The following PTGER4 variants were observed in gnomAD, a reference collection of about 807,000 sequenced individuals.
PTGER4 encodes prostaglandin E2 receptor EP4 subtype.
Under a neutral mutation model 33.2 loss-of-function variants are expected in PTGER4, and 11 were observed. The observed-to-expected ratio is 0.33, with a 90% CI of 0.21 to 0.55. PTGER4 has a LOEUF of 0.55. PTGER4 is among the 20% of genes least tolerant of loss of function. The pLI is 0.92. For missense variants in PTGER4, 481 were observed against 650.2 expected (o/e 0.74, Z 2.83); for synonymous variants, 275 against 281.5 (o/e 0.98, Z 0.23).
the PTGER4 span, among the ~76,000 whole-genome samples, chr5:40,723,968 A>G: frequency 2.6e-5 from 4 of 152,238 alleles, no homozygotes; most frequent in Non-Finnish European, 4.4e-5. Flanking sequence ...TGTAGCCATT[A>G]TGGAGTTTCT....
chr5:40,711,355 T>C, the PTGER4 span, among the ~76,000 whole-genome samples: 2 of 152,268 alleles, frequency 1.3e-5, no homozygotes, highest in South Asian at 4.1e-4. Flanking sequence ...TCCACTAAAG[T>C]GTCTAAAATT....
At chr5:40,712,088 G>A in the PTGER4 span, among the ~76,000 whole-genome samples, 1 of 152,092 alleles carries the variant, frequency 6.6e-6, no homozygotes, top group Non-Finnish European at 1.5e-5. Context: ...ATTTAAGAAA[G>A]TTAATAGAGG....
In PTGER4 at chr5:40,681,234, A is replaced by C. The variant is rs377709289; in HGVS notation, c.241A>C (p.Met81Leu). 4.3e-6 allele frequency: 7 copies of C among 1,614,020 alleles called. No individual in the cohort carries two copies. Among genetic ancestry groups the C allele is most frequent in the Non-Finnish European group, 5.1e-6 (6 of 1,180,038 alleles). The change falls in exon 2 of 3, where the codon ATG becomes CTG. Residue 81 changes from methionine to leucine, a missense_variant. Met to Leu is a conservative substitution (Grantham distance 15). Around this residue, in one of 7 missense-constraint regions of PTGER4, gnomAD observed 61 missense variants for 145.2 expected, o/e 0.42. Transcript: ENST00000302472. The surrounding 1 kb of genome is among the most constrained non-coding windows in gnomAD (Gnocchi z 9.8). Reference sequence around the variant, plus strand: ...GAGCCCGGTGACCATCGCCACGTACATGAAGGGCCAATGGCCCGGGGGCCA... The same window carrying C: ...GAGCCCGGTGACCATCGCCACGTACCTGAAGGGCCAATGGCCCGGGGGCCA... ...LVSPVTIATYMKGQWPGGQPL... is the reference protein window; with the variant it reads ...LVSPVTIATYLKGQWPGGQPL...
chr5:40,711,009 T>C, the PTGER4 span, among the ~76,000 whole-genome samples: 1 of 152,078 alleles, frequency 6.6e-6, no homozygotes, highest in African/African-American at 2.4e-5. Flanking sequence ...CACAGCAACA[T>C]GGTACATGTA....
In PTGER4 at chr5:40,693,660, G is replaced by C. The variant is rs1217656695; in HGVS notation, c.*1282G>C. 2.0e-6 allele frequency: 2 copies of C among 981,934 alleles called. No homozygotes were observed. The highest frequency in any genetic ancestry group is 3.5e-5 in the African/African-American group (2 of 57,128). The allele number at this position is 981,934 out of a possible 1,614,324, so 60.8% of individuals were successfully genotyped here. On this transcript the variant is annotated 3_prime_UTR_variant, in exon 3 of 3. Coordinates refer to ENST00000302472, the MANE Select transcript of PTGER4 (RefSeq NM_000958.3). ...TTGGTTGTAATTAAATTCTGAGCCT[G>C]ATATTGATATGGTTTTAAGAAGCAG...
At chr5:40,731,380 A>G in the PTGER4 span, among the ~76,000 whole-genome samples, 1 of 142,940 alleles carries the variant, frequency 7.0e-6, no homozygotes, top group African/African-American at 2.6e-5. Flanking sequence ...ACACACACAC[A>G]TCTGTATTAG....
chr5:40,738,993 G>A, the PTGER4 span, among the ~76,000 whole-genome samples: 2 of 152,106 alleles, frequency 1.3e-5, no homozygotes, highest in African/African-American at 4.8e-5. Context: ...CCCAGCCTGT[G>A]GCCTGACTTT....
chr5:40,704,263 G>A, the PTGER4 span, among the ~76,000 whole-genome samples: 3 of 152,096 alleles, frequency 2.0e-5, no homozygotes, highest in Admixed American at 6.6e-5. Context: ...AATGTAGAAA[G>A]ACTTTTGATA....
chr5:40,701,067 A>ATCCACG, the PTGER4 span, among the ~76,000 whole-genome samples: 48,185 of 151,688 alleles, frequency 0.32, 8,013 homozygotes, highest in East Asian at 0.55. Flanking sequence ...TTAAAGAAAC[A>ATCCACG]TCCACGTGCA....
At chr5:40,728,508 A>G in the PTGER4 span, 1 of 1,558,620 alleles carries the variant, frequency 6.4e-7, no homozygotes, top group Non-Finnish European at 8.7e-7. Context: ...AAAATCTGTC[A>G]GTAATATTCA....
At chr5:40,731,691 G>T in the PTGER4 span, among the ~76,000 whole-genome samples, 27 of 152,292 alleles carry the variant, frequency 1.8e-4, no homozygotes, top group South Asian at 6.2e-4. Context: ...TTGACACGGG[G>T]ATTATTACAA....
the PTGER4 span, among the ~76,000 whole-genome samples, chr5:40,725,957 T>C: frequency 6.6e-6 from 1 of 151,792 alleles, no homozygotes; most frequent in Non-Finnish European, 1.5e-5. Flanking sequence ...AGCTAATTTT[T>C]TGTATTTTTA....
At chr5:40,697,230 G>GA (rs1170008055), downstream of PTGER4, among the ~76,000 whole-genome samples, 3 of 33,966 alleles carry the variant, frequency 8.8e-5, no homozygotes, top group Non-Finnish European at 2.0e-4. Context: ...AAGAAGAAAA[G>GA]AAAGAAAGAA....
At chr5:40,707,295 G>A in the PTGER4 span, among the ~76,000 whole-genome samples, 1 of 152,124 alleles carries the variant, frequency 6.6e-6, no homozygotes, top group Non-Finnish European at 1.5e-5. Flanking sequence ...CATTTCACGT[G>A]CAGAGACACA....
the PTGER4 span, chr5:40,716,141 T>A: frequency 6.3e-7 from 1 of 1,589,106 alleles, no homozygotes. Context: ...CTATGCATAC[T>A]GCTTCATCGG....
chr5:40,697,293 A>AGAAAGAAG (rs1741634461), downstream of PTGER4, among the ~76,000 whole-genome samples: 2 of 146,432 alleles, frequency 1.4e-5, no homozygotes, highest in African/African-American at 4.9e-5. Context: ...AAAGAAAGAA[A>AGAAAGAAG]GAAAAAGAAA....
the PTGER4 span, among the ~76,000 whole-genome samples, chr5:40,711,755 G>C: frequency 1.3e-5 from 2 of 152,040 alleles, no homozygotes; most frequent in Admixed American, 6.6e-5. Context: ...ATCTCAACAT[G>C]GATGGGTTTC....
the PTGER4 span, among the ~76,000 whole-genome samples, chr5:40,746,092 G>C: frequency 6.6e-6 from 1 of 152,038 alleles, no homozygotes. Flanking sequence ...TTTTCCTCTA[G>C]GTAGTAATCC....
chr5:40,738,493 AC>A, the PTGER4 span, among the ~76,000 whole-genome samples: 6 of 134,952 alleles, frequency 4.4e-5, no homozygotes, highest in African/African-American at 1.2e-4. Context: ...ACAATACAAT[AC>A]AATACAATAC....
Sources: allele counts gnomAD v4.1 joint callset (sites outside exome capture counted in the v4.1 genomes callset), GRCh38; gene constraint gnomAD v4.1.1; regional missense constraint gnomAD v4.1.1; non-coding constraint Gnocchi (gnomAD v3.1); transcripts MANE v1.5; gene names NCBI Gene and HGNC (gene_info 2026-07-23, HGNC 2026-07-21).